The following RIMS1 variants were observed in gnomAD, a reference collection of about 807,000 sequenced individuals.
RIMS1 encodes regulating synaptic membrane exocytosis protein 1.
Under a neutral mutation model 214.1 loss-of-function variants are expected in RIMS1, and 83 were observed. The ratio of observed to expected loss-of-function variants is 0.39; its 90% CI spans 0.32 to 0.47. The LOEUF (loss-of-function observed/expected upper bound fraction) is 0.47, where lower values mean the gene tolerates loss of function less well. Among genes scored for constraint, RIMS1 ranks in the 20% least tolerant of loss-of-function variants. The pLI is 0.99. For missense variants in RIMS1, 2,050 were observed against 2,161.8 expected (o/e 0.95, Z 1.03); for synonymous variants, 793 against 786.8 (o/e 1.01, Z -0.13).
intron 1 of RIMS1, among the ~76,000 whole-genome samples, chr6:71,900,785 A>G (rs1196538678): frequency 6.6e-6 from 1 of 152,148 alleles, no homozygotes; most frequent in Non-Finnish European, 1.5e-5. Context: ...TAAGCAGGTT[A>G]AAGGTCAGGA....
At chr6:72,034,842 A>G (rs1443593367) in intron 2 of RIMS1, among the ~76,000 whole-genome samples, 1 of 152,192 alleles carries the variant, frequency 6.6e-6, no homozygotes, top group African/African-American at 2.4e-5. Flanking sequence ...TGAAATATAC[A>G]GGTATGTAAA....
At chr6:72,117,887 C>G (rs887813243) in intron 4 of RIMS1, among the ~76,000 whole-genome samples, 1 of 151,838 alleles carries the variant, frequency 6.6e-6, no homozygotes, top group African/African-American at 2.4e-5. Flanking sequence ...CAAGAATAAA[C>G]TCAACCCAAA....
intron 1 of RIMS1, among the ~76,000 whole-genome samples, chr6:71,942,638 G>GT (rs1561933415): frequency 6.6e-6 from 1 of 151,788 alleles, no homozygotes; most frequent in Non-Finnish European, 1.5e-5. Context: ...TTTTTTGTTT[G>GT]TTTTTTAAAA....
chr6:72,252,212 T>C (rs2073726890), intron 15 of RIMS1, among the ~76,000 whole-genome samples: 1 of 152,214 alleles, frequency 6.6e-6, no homozygotes, highest in East Asian at 1.9e-4. Context: ...ATTATTTTTC[T>C]CACATAATTA....
At chr6:71,922,742 G>C (rs1279198064) in intron 1 of RIMS1, among the ~76,000 whole-genome samples, 1 of 152,198 alleles carries the variant, frequency 6.6e-6, no homozygotes, top group African/African-American at 2.4e-5. Context: ...ATTCCTATGA[G>C]AGGAGTATTT....
intron 23 of RIMS1, among the ~76,000 whole-genome samples, chr6:72,283,436 C>T (rs1307649782): frequency 3.3e-5 from 5 of 151,988 alleles, no homozygotes; most frequent in Non-Finnish European, 1.5e-5. Context: ...GATTAAAATG[C>T]TGTGTGCTTT....
At chr6:72,164,185 C>G (rs183809653) in intron 4 of RIMS1, among the ~76,000 whole-genome samples, 13 of 152,292 alleles carry the variant, frequency 8.5e-5, no homozygotes, top group African/African-American at 3.1e-4. Flanking sequence ...TAGGACCCTC[C>G]GAGCCAAGTG....
intron 1 of RIMS1, among the ~76,000 whole-genome samples, chr6:71,923,051 G>T (rs573650324): frequency 6.6e-6 from 1 of 152,242 alleles, no homozygotes; most frequent in Admixed American, 6.5e-5. Flanking sequence ...TGATATTTAG[G>T]ACTTTTCTCC....
In RIMS1 at chr6:72,294,694, A is replaced by G. The variant is rs1218082194; in HGVS notation, c.3850+2648A>G. 2.6e-5 allele frequency among the ~76,000 whole-genome samples: 4 copies of G among 151,718 alleles called. No individual in the cohort carries two copies. In the East Asian group the frequency reaches 7.7e-4, roughly 29 times the overall value. ...TATACCACTCTCTATTTATACCATA[A>G]AGGCAGTATCTCTTAAAGGCTAACA... is the stretch of plus-strand genomic sequence containing the variant. On this transcript the variant is annotated intron_variant, in intron 26 of 33. Transcript: ENST00000521978.
At chr6:72,005,159 G>A (rs565177882) in intron 2 of RIMS1, among the ~76,000 whole-genome samples, 1 of 152,140 alleles carries the variant, frequency 6.6e-6, no homozygotes, top group Admixed American at 6.5e-5. Context: ...TTTCTCAGCT[G>A]TGTCAAAGAT....
chr6:72,009,104 C>T (rs1166048042), intron 2 of RIMS1, among the ~76,000 whole-genome samples: 2 of 152,170 alleles, frequency 1.3e-5, no homozygotes, highest in Non-Finnish European at 2.9e-5. Flanking sequence ...TGTAAAAGAA[C>T]AGAAATTATA....
At chr6:72,177,653 A>G (rs903107404) in intron 4 of RIMS1, among the ~76,000 whole-genome samples, 1 of 152,228 alleles carries the variant, frequency 6.6e-6, no homozygotes, top group Non-Finnish European at 1.5e-5. Flanking sequence ...TCAAAATTTC[A>G]TACCAGTCTT....
intron 2 of RIMS1, among the ~76,000 whole-genome samples, chr6:72,083,802 A>G (rs535706048): frequency 1.3e-5 from 2 of 152,260 alleles, no homozygotes; most frequent in Admixed American, 1.3e-4. Flanking sequence ...CAGTTCATAA[A>G]TGAGGAGACT....
At chr6:72,221,107 A>G (rs998373125) in intron 6 of RIMS1, among the ~76,000 whole-genome samples, 4 of 152,070 alleles carry the variant, frequency 2.6e-5, no homozygotes, top group South Asian at 2.1e-4. Context: ...TGAGTTTGCT[A>G]TATAGAGTCT....
Position 72,389,291 on chromosome 6 carries a change from T to C in RIMS1, c.4367-1307T>C, listed in dbSNP as rs147822697. ...TTGAGTGGTGAAATTATAGGGGGCA[T>C]TCAATGTTGGCAATTTCTGTAACAT... On this transcript the variant is annotated intron_variant, in intron 29 of 33. Transcript: ENST00000521978. Among the ~76,000 whole-genome samples the C allele has an allele frequency of 2.2e-4, 34 of 152,326 alleles. No individual in the cohort carries two copies. In the Middle Eastern group the frequency reaches 0.01, roughly 46 times the overall value.
chr6:72,147,923 T>C (rs2042963613), intron 4 of RIMS1, among the ~76,000 whole-genome samples: 1 of 152,230 alleles, frequency 6.6e-6, no homozygotes, highest in Non-Finnish European at 1.5e-5. Flanking sequence ...AGAAATTTTA[T>C]GTTTTTGCCA....
intron 1 of RIMS1, among the ~76,000 whole-genome samples, chr6:71,957,307 C>G (rs1791574964): frequency 6.6e-6 from 1 of 152,136 alleles, no homozygotes. Flanking sequence ...CAAACTTACT[C>G]TATGCAGCTT....
At chr6:71,947,727 A>C (rs1788306266) in intron 1 of RIMS1, among the ~76,000 whole-genome samples, 1 of 152,174 alleles carries the variant, frequency 6.6e-6, no homozygotes, top group African/African-American at 2.4e-5. Flanking sequence ...TAAGTATTTT[A>C]GGAAAGGCAT....
intron 23 of RIMS1, among the ~76,000 whole-genome samples, chr6:72,281,133 T>A (rs2089916776): frequency 6.6e-6 from 1 of 152,102 alleles, no homozygotes; most frequent in South Asian, 2.1e-4. Context: ...GTTGTTCAGA[T>A]TATGGACTCT....
Sources: gnomAD v4.1 joint callset for allele counts (sites outside exome capture counted in the v4.1 genomes callset) on GRCh38, gnomAD v4.1.1 for gene constraint, MANE v1.5 for transcripts, NCBI Gene and HGNC (gene_info 2026-07-23, HGNC 2026-07-21) for gene names.